ADAMTSL3: variants seen among roughly 807,000 people sequenced by gnomAD.
ADAMTSL3 encodes ADAMTS-like protein 3.
ADAMTSL3 carries 128 observed loss-of-function variants against 201.7 expected under a neutral mutation model. The observed-to-expected ratio is 0.63, with a 90% CI of 0.55 to 0.73. The LOEUF (loss-of-function observed/expected upper bound fraction) is 0.73, where lower values mean the gene tolerates loss of function less well. Among genes scored for constraint, ADAMTSL3 ranks in the 30% least tolerant of loss-of-function variants. The pLI is 0.00. For missense variants in ADAMTSL3, 1,990 were observed against 2,119.6 expected (o/e 0.94, Z 1.20); for synonymous variants, 738 against 748.4 (o/e 0.99, Z 0.23).
intron 8 of ADAMTSL3, among the ~76,000 whole-genome samples, chr15:83,870,120 G>A (rs1370212342): frequency 6.6e-6 from 1 of 152,190 alleles, no homozygotes; most frequent in Non-Finnish European, 1.5e-5. Context: ...TTTTGTTCAT[G>A]TGAAAGCAAA....
intron 20 of ADAMTSL3, among the ~76,000 whole-genome samples, chr15:83,979,371 T>G (rs918791223): frequency 6.6e-6 from 1 of 152,370 alleles, no homozygotes; most frequent in East Asian, 1.9e-4. Flanking sequence ...AGCCAGACAG[T>G]GTCCACCTGG....
chr15:83,897,167 A>C lies in ADAMTSL3; in HGVS notation c.1468-691A>C, dbSNP rs187687519. On this transcript the variant is annotated intron_variant, in intron 13 of 29. Coordinates refer to ENST00000286744, the MANE Select transcript of ADAMTSL3 (RefSeq NM_207517.3). ...TATTCTAGATTTTTATATGACATGA[A>C]AACATTCCACTCATAGGCAAGAGTA... Among the ~76,000 whole-genome samples the C allele has an allele frequency of 4.6e-5, 7 of 152,352 alleles. No individual in the cohort carries two copies. The East Asian group carries it at 1.3e-3, about 29-fold the overall frequency.
At chr15:83,994,591 T>G (rs1158793609) in intron 23 of ADAMTSL3, among the ~76,000 whole-genome samples, 21 of 86,848 alleles carry the variant, frequency 2.4e-4, no homozygotes, top group Admixed American at 1.6e-3. Flanking sequence ...TTTTCGTTTT[T>G]TTTTTTTTTT....
At chr15:83,848,209 A>T (rs571606858) in intron 7 of ADAMTSL3, among the ~76,000 whole-genome samples, 1 of 152,212 alleles carries the variant, frequency 6.6e-6, no homozygotes, top group Non-Finnish European at 1.5e-5. Context: ...CAAAAATAGA[A>T]AGTGGGGATG....
At chr15:83,970,662 A>G (rs1279534818) in intron 20 of ADAMTSL3, 25 bp downstream of exon 20, 1 of 1,611,772 alleles carries the variant, frequency 6.2e-7, no homozygotes, top group South Asian at 1.1e-5. Flanking sequence ...TCCGCGCTTC[A>G]CCAAGATATG....
intron 21 of ADAMTSL3, among the ~76,000 whole-genome samples, chr15:83,987,659 G>A (rs2067503845): frequency 6.6e-6 from 1 of 152,168 alleles, no homozygotes; most frequent in South Asian, 2.1e-4. Flanking sequence ...TTCAAATGAA[G>A]TGAACAACAT....
intron 4 of ADAMTSL3, among the ~76,000 whole-genome samples, chr15:83,800,460 C>CG (rs762367381): frequency 3.3e-5 from 5 of 152,094 alleles, no homozygotes; most frequent in Admixed American, 6.5e-5. Flanking sequence ...CATTGCTCTA[C>CG]ACATGGTCTA....
At chr15:83,813,853 A>G (rs1356137908) in intron 5 of ADAMTSL3, among the ~76,000 whole-genome samples, 1 of 152,184 alleles carries the variant, frequency 6.6e-6, no homozygotes, top group Non-Finnish European at 1.5e-5. Flanking sequence ...TTTGGAGCAA[A>G]TGGAGAATTC....
intron 20 of ADAMTSL3, among the ~76,000 whole-genome samples, chr15:83,981,617 G>C (rs565443385): frequency 2.0e-5 from 3 of 152,344 alleles, no homozygotes; most frequent in African/African-American, 7.2e-5. Flanking sequence ...AGGTTTATCT[G>C]ACTTCAAACT....
chr15:83,804,951 C>A (rs967416733), intron 5 of ADAMTSL3, among the ~76,000 whole-genome samples: 3 of 152,148 alleles, frequency 2.0e-5, no homozygotes, highest in Non-Finnish European at 4.4e-5. Flanking sequence ...ATAATATCTG[C>A]AAGCTCCTTC....
chr15:84,013,710 G>T (rs560251939), intron 23 of ADAMTSL3, among the ~76,000 whole-genome samples: 89 of 152,332 alleles, frequency 5.8e-4, no homozygotes, highest in African/African-American at 1.9e-3. Flanking sequence ...GGAGGTTGCA[G>T]TGAGCCAAGA....
chr15:84,016,070 C>A (rs2141898202), intron 24 of ADAMTSL3, among the ~76,000 whole-genome samples: 1 of 152,342 alleles, frequency 6.6e-6, no homozygotes, highest in African/African-American at 2.4e-5. Flanking sequence ...TCTATCCAAC[C>A]AATCTGCTTC....
intron 7 of ADAMTSL3, among the ~76,000 whole-genome samples, chr15:83,852,891 C>G (rs2064648628): frequency 6.6e-6 from 1 of 152,100 alleles, no homozygotes; most frequent in African/African-American, 2.4e-5. Flanking sequence ...GAGTCTCACT[C>G]TGTCGCCCAG....
chr15:84,025,606 G>T, intron 27 of ADAMTSL3, 170 bp downstream of exon 27: 1 of 660,402 alleles, frequency 1.5e-6, no homozygotes. Flanking sequence ...AGAAATCATA[G>T]TATCTCTGTC....
At chr15:83,736,349 A>G (rs746301820) in intron 3 of ADAMTSL3, among the ~76,000 whole-genome samples, 1 of 152,248 alleles carries the variant, frequency 6.6e-6, no homozygotes, top group Non-Finnish European at 1.5e-5. Context: ...GATCAAGATG[A>G]CAGCTAATAA....
Position 83,982,611 on chromosome 15 carries a change from C to T in ADAMTSL3, c.2983C>T (p.Leu995Phe), listed in dbSNP as rs143429390. The change falls in exon 21 of 30, where the codon CTC becomes TTC. Residue 995 changes from leucine to phenylalanine, a missense_variant. Coordinates refer to ENST00000286744, the MANE Select transcript of ADAMTSL3 (RefSeq NM_207517.3). Reference sequence around the variant, plus strand: ...TGCACAGGAAACAGTTGTGCTCAAGCTCATTGGTACTGACAACCGGCTCAT... The same window carrying T: ...TGCACAGGAAACAGTTGTGCTCAAGTTCATTGGTACTGACAACCGGCTCAT... ...GSAQETVVLK[L>F]IGTDNRLIAR... 7.7e-5 allele frequency: 125 copies of T among 1,614,080 alleles called. No individual in the cohort carries two copies. The highest frequency in any genetic ancestry group is 1.0e-4 in the Non-Finnish European group (121 of 1,180,044).
chr15:83,823,898 CTTCTTCTTCTTCTTCTTCTTCTTCTTCT>C (rs2063940473), intron 6 of ADAMTSL3, among the ~76,000 whole-genome samples: 4 of 18,172 alleles, frequency 2.2e-4, no homozygotes, highest in African/African-American at 3.6e-4. Flanking sequence ...TCTTCCTCTT[CTTCTTCTTCTTCTTCTTCTTCTTCTTCT>C]TCTTCTTCTT....
intron 6 of ADAMTSL3, among the ~76,000 whole-genome samples, chr15:83,823,972 T>C (rs201901588): frequency 0.41 from 29,241 of 70,770 alleles, 5,983 homozygotes; most frequent in East Asian, 0.62. Flanking sequence ...TTCTTCTTCT[T>C]CTCCTCCTCC....
chr15:83,859,755 T>C (rs1041534387), intron 8 of ADAMTSL3, among the ~76,000 whole-genome samples: 4 of 152,170 alleles, frequency 2.6e-5, no homozygotes, highest in African/African-American at 9.6e-5. Flanking sequence ...AGGGAAATTA[T>C]CTGTATTGTA....
Sources: gnomAD v4.1 joint callset for allele counts (sites outside exome capture counted in the v4.1 genomes callset) on GRCh38, gnomAD v4.1.1 for gene constraint, MANE v1.5 for transcripts, NCBI Gene and HGNC (gene_info 2026-07-23, HGNC 2026-07-21) for gene names.